ADAMTSL1: variants seen among roughly 807,000 people sequenced by gnomAD.
ADAMTSL1 encodes ADAMTS-like protein 1.
A neutral mutation model predicts 201.8 loss-of-function variants in ADAMTSL1; 126 were observed. The ratio of observed to expected loss-of-function variants is 0.62; its 90% CI spans 0.54 to 0.72. ADAMTSL1 has a LOEUF of 0.72. Ranked by LOEUF, ADAMTSL1 falls within the 30% of genes least tolerant of loss-of-function variation. ADAMTSL1 has a pLI of 0.00. For missense variants in ADAMTSL1, 2,679 were observed against 2,277.8 expected (o/e 1.18, Z -3.59); for synonymous variants, 1,121 against 903.4 (o/e 1.24, Z -4.32).
intron 2 of ADAMTSL1, among the ~76,000 whole-genome samples, chr9:18,300,394 A>G (rs1833659021): frequency 7.2e-6 from 1 of 139,424 alleles, no homozygotes; most frequent in African/African-American, 2.7e-5. Flanking sequence ...CCTCACTCAT[A>G]GGTGGGAATT....
chr9:18,374,371 G>C (rs1452785973), intron 2 of ADAMTSL1, among the ~76,000 whole-genome samples: 4 of 150,722 alleles, frequency 2.7e-5, no homozygotes, highest in African/African-American at 9.8e-5. Context: ...GTCTCACTCT[G>C]TCACCCAGCA....
intron 2 of ADAMTSL1, among the ~76,000 whole-genome samples, chr9:18,189,096 C>G (rs1317724763): frequency 6.6e-6 from 1 of 152,056 alleles, no homozygotes; most frequent in African/African-American, 2.4e-5. Flanking sequence ...CTAAGTAAAT[C>G]GTTTATATTT....
chr9:18,746,007 GA>G (rs1564199070), intron 15 of ADAMTSL1, among the ~76,000 whole-genome samples: 1 of 152,150 alleles, frequency 6.6e-6, no homozygotes, highest in Non-Finnish European at 1.5e-5. Flanking sequence ...GAAGAAGAAG[GA>G]AAGGCCAGTT....
At chr9:18,477,064 A>T (rs887652370) in intron 1 of ADAMTSL1, among the ~76,000 whole-genome samples, 2 of 152,320 alleles carry the variant, frequency 1.3e-5, no homozygotes, top group Admixed American at 6.5e-5. Flanking sequence ...TTCATTTGAT[A>T]TTCAGGTGAA....
At chr9:18,351,018 C>T (rs1326094679) in intron 2 of ADAMTSL1, among the ~76,000 whole-genome samples, 2 of 152,138 alleles carry the variant, frequency 1.3e-5, no homozygotes, top group Non-Finnish European at 2.9e-5. Context: ...TTGCATCTCA[C>T]ATAAATGGGA....
chr9:18,007,718 AGAGT>A (rs1353068504), intron 1 of ADAMTSL1, among the ~76,000 whole-genome samples: 1 of 151,974 alleles, frequency 6.6e-6, no homozygotes, highest in Non-Finnish European at 1.5e-5. Context: ...GAAGCAGAGA[AGAGT>A]ATAATTAAGC....
chr9:18,569,411 G>A (rs1822153186), intron 3 of ADAMTSL1, among the ~76,000 whole-genome samples: 1 of 152,164 alleles, frequency 6.6e-6, no homozygotes, highest in East Asian at 1.9e-4. Context: ...GTGGGATCAT[G>A]TTATTATTTC....
chr9:18,621,480 A>G (rs1365537353), intron 4 of ADAMTSL1, among the ~76,000 whole-genome samples: 1 of 151,882 alleles, frequency 6.6e-6, no homozygotes, highest in East Asian at 1.9e-4. Context: ...ACTGTGCCTG[A>G]TACAGGACAG....
chr9:18,201,185 C>T (rs1829430127), intron 2 of ADAMTSL1, among the ~76,000 whole-genome samples: 1 of 152,020 alleles, frequency 6.6e-6, no homozygotes, highest in South Asian at 2.1e-4. Flanking sequence ...AAATTGATTT[C>T]CCACAGAGAG....
chr9:18,903,573 G>A (rs1213146158), intron 26 of ADAMTSL1, among the ~76,000 whole-genome samples: 1 of 152,156 alleles, frequency 6.6e-6, no homozygotes, highest in African/African-American at 2.4e-5. Flanking sequence ...ATGAAAATGT[G>A]GGGCTGCTTG....
chr9:18,604,436 C>A (rs1041518998), intron 4 of ADAMTSL1, among the ~76,000 whole-genome samples: 2 of 152,170 alleles, frequency 1.3e-5, no homozygotes, highest in African/African-American at 2.4e-5. Context: ...CTCTTCCTAA[C>A]CCCCAGTAAT....
intron 1 of ADAMTSL1, among the ~76,000 whole-genome samples, chr9:17,943,944 G>A (rs896615564): frequency 6.6e-6 from 1 of 151,872 alleles, no homozygotes; most frequent in Non-Finnish European, 1.5e-5. Flanking sequence ...ACGAGAGAGA[G>A]GGAATAGGGA....
chr9:18,542,936 A>G (rs1020541134), intron 3 of ADAMTSL1, among the ~76,000 whole-genome samples: 2 of 152,166 alleles, frequency 1.3e-5, no homozygotes, highest in Non-Finnish European at 2.9e-5. Context: ...GGTATTCTGG[A>G]AGGAGAATGT....
intron 2 of ADAMTSL1, among the ~76,000 whole-genome samples, chr9:18,182,751 G>C (rs903566080): frequency 2.0e-5 from 3 of 152,192 alleles, no homozygotes; most frequent in Non-Finnish European, 4.4e-5. Context: ...GAAAACTGAG[G>C]CACGGAGTGA....
chr9:18,028,103 G>A (rs576166602), intron 1 of ADAMTSL1, among the ~76,000 whole-genome samples: 2 of 152,180 alleles, frequency 1.3e-5, no homozygotes, highest in South Asian at 2.1e-4. Context: ...GGGTGTCAAT[G>A]CATGTGAGAT....
chr9:18,789,116 T>C (rs1315389145), intron 19 of ADAMTSL1, among the ~76,000 whole-genome samples: 2 of 152,178 alleles, frequency 1.3e-5, no homozygotes, highest in African/African-American at 2.4e-5. Flanking sequence ...ATCTCTACAT[T>C]TCTCATTTCC....
At position 18,752,570 on chromosome 9, in the gene ADAMTSL1, A is replaced by G. The variant is rs181133486; in HGVS notation, c.2007-728A>G. On this transcript the variant is annotated intron_variant, in intron 15 of 28. Transcript: ENST00000380548. ...AGGGAAATGCAGTGGGATTGTTTTCATAGGCCCTTAGCTCACTATAAACGT... is the reference window on the plus strand; with the variant it reads ...AGGGAAATGCAGTGGGATTGTTTTCGTAGGCCCTTAGCTCACTATAAACGT... Among the ~76,000 whole-genome samples, 8 of 152,326 alleles carry G rather than the reference A, an allele frequency of 5.3e-5. No homozygotes were observed. In the East Asian group the frequency reaches 1.5e-3, roughly 29 times the overall value.
intron 1 of ADAMTSL1, among the ~76,000 whole-genome samples, chr9:17,917,068 A>G (rs1331662463): frequency 1.3e-5 from 2 of 152,026 alleles, no homozygotes; most frequent in Non-Finnish European, 2.9e-5. Flanking sequence ...TTTTTTTGTT[A>G]GTATACAAAA....
At chr9:18,345,607 A>G (rs1254911345) in intron 2 of ADAMTSL1, among the ~76,000 whole-genome samples, 1 of 152,152 alleles carries the variant, frequency 6.6e-6, no homozygotes, top group Non-Finnish European at 1.5e-5. Context: ...CAAAGTCGAT[A>G]CACTAGAGTG....
Sources: allele counts gnomAD v4.1 joint callset (sites outside exome capture counted in the v4.1 genomes callset), GRCh38; gene constraint gnomAD v4.1.1; transcripts MANE v1.5; gene names NCBI Gene and HGNC (gene_info 2026-07-23, HGNC 2026-07-21).